Variants in CDH4 observed in about 807,000 individuals in gnomAD.
The protein encoded by CDH4 is cadherin 4, also known as cadherin-4.
In CDH4, 33 loss-of-function variants were observed where a neutral mutation model predicts 86.0. The observed-to-expected ratio is 0.38, with a 90% confidence interval of 0.29 to 0.51. CDH4 has a LOEUF of 0.51. Ranked by LOEUF, CDH4 falls within the 20% of genes least tolerant of loss-of-function variation. CDH4 has a pLI of 0.86. For synonymous variants in CDH4, 555 were observed against 549.4 expected (o/e 1.01, Z -0.14); for missense variants, 1,114 against 1,307.4 (o/e 0.85, Z 2.28).
intron 2 of CDH4, among the ~76,000 whole-genome samples, chr20:61,301,940 C>T (rs1183800320): frequency 6.6e-6 from 1 of 152,258 alleles, no homozygotes; most frequent in Non-Finnish European, 1.5e-5. Flanking sequence ...TTGGAAATTA[C>T]ATGCGCTTTT....
intron 2 of CDH4, among the ~76,000 whole-genome samples, chr20:61,702,963 G>A (rs2087792150): frequency 6.6e-6 from 1 of 152,222 alleles, no homozygotes; most frequent in Non-Finnish European, 1.5e-5. Flanking sequence ...GGCAGAGGCT[G>A]TGTGCGTGCG....
chr20:61,879,021 C>T lies in CDH4; in HGVS notation c.1050+5121C>T, dbSNP rs1600731339. Among the ~76,000 whole-genome samples, 1 of 152,236 alleles carries T rather than the reference C, an allele frequency of 6.6e-6. No individual in the cohort carries two copies. Among genetic ancestry groups the T allele is most frequent in the African/African-American group, 2.4e-5 (1 of 41,460 alleles). ...AACCGCTTCTGCAGCAGAGGATGCA[C>T]GTTGTCGGATTTTCAGCAGCAAACA... On this transcript the variant is annotated intron_variant, in intron 7 of 15. Transcript: ENST00000614565. This position sits in a 1 kb window ranked among gnomAD's most constrained non-coding sequence, Gnocchi z 4.1.
chr20:61,701,201 G>GCT (rs1294914301), intron 2 of CDH4, among the ~76,000 whole-genome samples: 3 of 152,162 alleles, frequency 2.0e-5, no homozygotes, highest in Non-Finnish European at 2.9e-5. Context: ...AGTTTTCTAA[G>GCT]AACAGCAGAC....
At chr20:61,876,622 G>C (rs1322387095) in intron 7 of CDH4, among the ~76,000 whole-genome samples, 1 of 152,110 alleles carries the variant, frequency 6.6e-6, no homozygotes, top group East Asian at 1.9e-4. Flanking sequence ...CTTAGGGCCG[G>C]GGTTTTCGTA....
chr20:61,403,643 G>A (rs2085062783), intron 2 of CDH4, among the ~76,000 whole-genome samples: 1 of 152,150 alleles, frequency 6.6e-6, no homozygotes, highest in Non-Finnish European at 1.5e-5. Context: ...CAGGCATGCG[G>A]CATTATTCTC....
intron 2 of CDH4, among the ~76,000 whole-genome samples, chr20:61,352,046 GATTATT>G (rs1347194306): frequency 2.0e-5 from 3 of 152,010 alleles, no homozygotes; most frequent in African/African-American, 7.2e-5. Context: ...TGTGCAATTA[GATTATT>G]ATTGAGTACA....
At chr20:61,448,088 C>G (rs1187752790) in intron 2 of CDH4, among the ~76,000 whole-genome samples, 9 of 152,308 alleles carry the variant, frequency 5.9e-5, no homozygotes, top group East Asian at 5.8e-4. Context: ...AGAAAAGAAC[C>G]AAAAGGATCT....
At chr20:61,899,142 AT>A (rs1279084071) in intron 8 of CDH4, among the ~76,000 whole-genome samples, 1 of 151,866 alleles carries the variant, frequency 6.6e-6, no homozygotes, top group Non-Finnish European at 1.5e-5. Flanking sequence ...AAAAATATAT[AT>A]TTTAAAAAAA....
intron 4 of CDH4, among the ~76,000 whole-genome samples, chr20:61,779,338 G>GC (rs1334292776): frequency 6.6e-6 from 1 of 152,096 alleles, no homozygotes; most frequent in African/African-American, 2.4e-5. Context: ...AAACCCTCGG[G>GC]CCCCCCTGCC....
intron 2 of CDH4, among the ~76,000 whole-genome samples, chr20:61,659,777 T>C (rs913455280): frequency 4.0e-5 from 6 of 150,886 alleles, no homozygotes; most frequent in Admixed American, 3.3e-4. Context: ...GGAGGAGGGG[T>C]GGGCCTCCGG....
At chr20:61,801,819 A>G (rs897636438) in intron 4 of CDH4, among the ~76,000 whole-genome samples, 8 of 152,210 alleles carry the variant, frequency 5.3e-5, no homozygotes, top group Admixed American at 2.0e-4. Flanking sequence ...GCCCTCCATA[A>G]GGACCCTTCA....
At chr20:61,639,030 C>T (rs1220438619) in intron 2 of CDH4, among the ~76,000 whole-genome samples, 1 of 152,186 alleles carries the variant, frequency 6.6e-6, no homozygotes, top group South Asian at 2.1e-4. Context: ...AATGTCAGTC[C>T]CTGTTATTAC....
intron 2 of CDH4, among the ~76,000 whole-genome samples, chr20:61,418,625 C>T (rs73915028): frequency 0.04 from 6,156 of 152,242 alleles, 381 homozygotes; most frequent in African/African-American, 0.14. Flanking sequence ...CCAGTGAAAT[C>T]GCGTGTGGAG....
chr20:61,874,406 G>A (rs1983931630), intron 7 of CDH4, among the ~76,000 whole-genome samples: 1 of 152,202 alleles, frequency 6.6e-6, no homozygotes, highest in Admixed American at 6.5e-5. Flanking sequence ...ATGGGCTGCT[G>A]GTTGGTGCTG....
rs1980351355 is a variant in CDH4 at position 61,810,041 on chromosome 20, C to T, written c.577-34627C>T. 2.0e-5 allele frequency among the ~76,000 whole-genome samples: 3 copies of T among 152,198 alleles called. No individual in the cohort carries two copies. In the South Asian group the frequency reaches 6.2e-4, roughly 32 times the overall value. On this transcript the variant is annotated intron_variant, in intron 4 of 15. Coordinates refer to ENST00000614565, the MANE Select transcript of CDH4 (RefSeq NM_001794.5). This position sits in a 1 kb window ranked among gnomAD's most constrained non-coding sequence, Gnocchi z 4.3. ...CCTGCATAACAACCACCCATAAAAC[C>T]TCAGTGACATCCAACCACAAGTGTG...
rs555751708 is a variant in CDH4 at position 61,735,430 on chromosome 20, A to G, written c.170-8133A>G. 3.3e-5 allele frequency among the ~76,000 whole-genome samples: 5 copies of G among 152,102 alleles called. No homozygotes were observed. The South Asian group carries it at 1.0e-3, about 32-fold the overall frequency. ...ACTCCCCCACCCTCCTCTGTTTCTTATACCCCCCTGGTGGGCAGAACCTGT... is the reference window on the plus strand; with the variant it reads ...ACTCCCCCACCCTCCTCTGTTTCTTGTACCCCCCTGGTGGGCAGAACCTGT... On this transcript the variant is annotated intron_variant, in intron 2 of 15. Coordinates refer to ENST00000614565, the MANE Select transcript of CDH4 (RefSeq NM_001794.5).
intron 2 of CDH4, among the ~76,000 whole-genome samples, chr20:61,491,348 C>T (rs1568863371): frequency 3.9e-5 from 6 of 152,154 alleles, no homozygotes; most frequent in Non-Finnish European, 8.8e-5. Flanking sequence ...CCAAGGTGGA[C>T]AGTACAGAGC....
chr20:61,553,702 A>G (rs915905149), intron 2 of CDH4, among the ~76,000 whole-genome samples: 3 of 152,214 alleles, frequency 2.0e-5, no homozygotes, highest in African/African-American at 7.2e-5. Flanking sequence ...TCTCACCAGC[A>G]CTTGAGAGTA....
intron 2 of CDH4, among the ~76,000 whole-genome samples, chr20:61,421,138 G>T (rs77938292): frequency 7.2e-5 from 11 of 152,200 alleles, no homozygotes. Context: ...GCCCTTTTCC[G>T]TGGGGACCCT....
Sources: gnomAD v4.1 joint callset for allele counts (sites outside exome capture counted in the v4.1 genomes callset) on GRCh38, gnomAD v4.1.1 for gene constraint, Gnocchi (gnomAD v3.1) non-coding constraint, MANE v1.5 for transcripts, NCBI Gene and HGNC (gene_info 2026-07-23, HGNC 2026-07-21) for gene names.